Variants in SSBP2 observed in about 807,000 individuals in gnomAD.
The protein encoded by SSBP2 is single-stranded DNA-binding protein 2.
Under a neutral mutation model 61.8 loss-of-function variants are expected in SSBP2, and 17 were observed. The observed-to-expected ratio is 0.28, with a 90% CI of 0.19 to 0.41. The LOEUF is 0.41. Among genes scored for constraint, SSBP2 ranks in the 10% least tolerant of loss-of-function variants. SSBP2 has a pLI of 1.00. For synonymous variants in SSBP2, 139 were observed against 141.3 expected (o/e 0.98, Z 0.12); for missense variants, 310 against 458.7 (o/e 0.68, Z 2.96).
chr5:81,739,164 C>CAAAAAA lies in SSBP2; in HGVS notation c.62+11811_62+11816dup, dbSNP rs71000859. 6.7e-4 allele frequency among the ~76,000 whole-genome samples: 34 copies of CAAAAAA among 51,096 alleles called. 2 individuals carry two copies. Among genetic ancestry groups the CAAAAAA allele is most frequent in the African/African-American group, 1.8e-3 (25 of 14,006 alleles). The allele number at this position is 51,096 out of a possible 152,430, so 33.5% of individuals were successfully genotyped here. On this transcript the variant is annotated intron_variant, in intron 1 of 16. Transcript: ENST00000320672. ...TGGTGACAGAGTGAGACTCCATCTC[C>CAAAAAA]AAAAAAAAAAAAAAAAAAAAAAAAA...
intron 4 of SSBP2, among the ~76,000 whole-genome samples, chr5:81,540,664 T>A (rs1284185227): frequency 6.6e-6 from 1 of 152,200 alleles, no homozygotes; most frequent in African/African-American, 2.4e-5. Context: ...TCTTTAGGTA[T>A]AATGCTATTG....
intron 1 of SSBP2, among the ~76,000 whole-genome samples, chr5:81,707,741 C>T (rs937580847): frequency 6.6e-6 from 1 of 152,126 alleles, no homozygotes; most frequent in Non-Finnish European, 1.5e-5. Flanking sequence ...TTCAGGAGTC[C>T]TAGATTCTAG....
chr5:81,730,812 C>T (rs1365294024), intron 1 of SSBP2, among the ~76,000 whole-genome samples: 3 of 152,170 alleles, frequency 2.0e-5, no homozygotes, highest in Non-Finnish European at 2.9e-5. Flanking sequence ...GAAATTGAAG[C>T]AGTTTCATAT....
rs766994399 is a variant in SSBP2 at position 81,415,922 on chromosome 5, A to AAAAAAAAAAAAAAAAAAACAAAGAAAAG, written c.*4581_*4582insCTTTTCTTTGTTTTTTTTTTTTTTTTTT. On this transcript the variant is annotated 3_prime_UTR_variant, in exon 17 of 17. Coordinates refer to ENST00000320672, the MANE Select transcript of SSBP2 (RefSeq NM_012446.5). ...GCAAGATTCTGACTCAAAAAAAAAA[A>AAAAAAAAAAAAAAAAAAACAAAGAAAAG]AAAAAAAGAGGAAAACCTGATCAAG... The AAAAAAAAAAAAAAAAAAACAAAGAAAAG allele has an allele frequency of 1.4e-5, 1 of 73,744 alleles. No homozygotes were observed. The highest frequency in any genetic ancestry group is 1.5e-4 in the African/African-American group (1 of 6,788). The allele number at this position is 73,744 out of a possible 1,614,324, so 4.6% of individuals were successfully genotyped here.
chr5:81,538,015 T>A (rs531162951), intron 4 of SSBP2, among the ~76,000 whole-genome samples: 1 of 152,100 alleles, frequency 6.6e-6, no homozygotes, highest in Non-Finnish European at 1.5e-5. Flanking sequence ...AAGGAAAAAG[T>A]TGCACATCTC....
chr5:81,583,275 CTAAT>C (rs962655762), intron 4 of SSBP2, among the ~76,000 whole-genome samples: 5 of 152,018 alleles, frequency 3.3e-5, no homozygotes, highest in South Asian at 2.1e-4. Context: ...ATTCTGAAAA[CTAAT>C]TACATCAAAT....
intron 15 of SSBP2, among the ~76,000 whole-genome samples, chr5:81,432,950 C>G (rs1366131948): frequency 1.1e-4 from 16 of 144,050 alleles, no homozygotes; most frequent in African/African-American, 4.2e-4. Flanking sequence ...GTCAGCCCCC[C>G]GCCCAGCCAG....
In SSBP2 at chr5:81,437,478, G is replaced by A; in HGVS notation, c.929-20C>T. Reference sequence around the variant, plus strand: ...CTGAGCCTGAAACAAAATATAAAAAGAAAGCCTTTATTAGGTAAGATTTCA... The same window carrying A: ...CTGAGCCTGAAACAAAATATAAAAAAAAAGCCTTTATTAGGTAAGATTTCA... On this transcript the variant is annotated intron_variant, in intron 14 of 16. Transcript: ENST00000320672. 1 of 1,600,336 alleles carries A rather than the reference G, an allele frequency of 6.2e-7. No individual in the cohort carries two copies. The highest frequency in any genetic ancestry group is 8.5e-7 in the Non-Finnish European group (1 of 1,173,996).
chr5:81,511,507 C>T (rs574411793), intron 5 of SSBP2, among the ~76,000 whole-genome samples: 18 of 152,294 alleles, frequency 1.2e-4, no homozygotes, highest in African/African-American at 4.3e-4. Flanking sequence ...TGCCTACCCT[C>T]CCCACTACCT....
intron 5 of SSBP2, among the ~76,000 whole-genome samples, chr5:81,495,114 A>G (rs1767183366): frequency 6.6e-6 from 1 of 152,034 alleles, no homozygotes; most frequent in Admixed American, 6.6e-5. Context: ...TTTTATCTCA[A>G]TTCCCTAAGA....
chr5:81,603,349 T>TA (rs1744566470), intron 4 of SSBP2, among the ~76,000 whole-genome samples: 1 of 152,196 alleles, frequency 6.6e-6, no homozygotes, highest in Admixed American at 6.5e-5. Flanking sequence ...GACATGGTTT[T>TA]AAGACAGAGC....
chr5:81,612,545 A>AATT (rs1745555351), intron 4 of SSBP2, among the ~76,000 whole-genome samples: 2 of 152,096 alleles, frequency 1.3e-5, no homozygotes, highest in South Asian at 4.1e-4. Flanking sequence ...AAATTAACAG[A>AATT]ATTATTCATT....
chr5:81,494,205 T>C (rs979148846), intron 5 of SSBP2, among the ~76,000 whole-genome samples: 2 of 152,220 alleles, frequency 1.3e-5, no homozygotes, highest in Non-Finnish European at 2.9e-5. Context: ...CATGTAGTGC[T>C]ATGAATACTG....
At chr5:81,632,872 C>A (rs1172457838) in intron 3 of SSBP2, among the ~76,000 whole-genome samples, 1 of 152,174 alleles carries the variant, frequency 6.6e-6, no homozygotes, top group Non-Finnish European at 1.5e-5. Context: ...CCTACCTTCA[C>A]AGTCACTTCT....
chr5:81,584,205 G>A (rs534896563), intron 4 of SSBP2, among the ~76,000 whole-genome samples: 200 of 152,076 alleles, frequency 1.3e-3, no homozygotes, highest in African/African-American at 4.6e-3. Flanking sequence ...TTAAAGCTTC[G>A]TCTAGATGTT....
At chr5:81,625,844 T>C (rs954261468) in intron 3 of SSBP2, among the ~76,000 whole-genome samples, 1 of 152,230 alleles carries the variant, frequency 6.6e-6, no homozygotes, top group Non-Finnish European at 1.5e-5. Flanking sequence ...AACATAATTA[T>C]ACAACTTATG....
At chr5:81,573,133 T>C (rs1773951619) in intron 4 of SSBP2, among the ~76,000 whole-genome samples, 1 of 152,208 alleles carries the variant, frequency 6.6e-6, no homozygotes. Flanking sequence ...AAAGATCTGT[T>C]GGGGTTTTGT....
intron 2 of SSBP2, 87 bp downstream of exon 2, chr5:81,650,177 TAAC>T (rs1749605686): frequency 5.4e-6 from 5 of 920,300 alleles, no homozygotes; most frequent in Non-Finnish European, 8.2e-6. Flanking sequence ...ATATAATACA[TAAC>T]AAACTTTTTT....
intron 4 of SSBP2, among the ~76,000 whole-genome samples, chr5:81,533,910 G>A (rs975422709): frequency 6.6e-6 from 1 of 152,060 alleles, no homozygotes; most frequent in African/African-American, 2.4e-5. Context: ...GGTTCTCACA[G>A]TAAATACTGG....
Sources: gnomAD v4.1 joint callset for allele counts (sites outside exome capture counted in the v4.1 genomes callset) on GRCh38, gnomAD v4.1.1 for gene constraint, MANE v1.5 for transcripts, NCBI Gene and HGNC (gene_info 2026-07-23, HGNC 2026-07-21) for gene names.